ANPEP: variants seen among roughly 807,000 people sequenced by gnomAD.
ANPEP encodes the protein alanyl aminopeptidase, membrane.
ANPEP carries 70 observed loss-of-function variants against 114.6 expected under a neutral mutation model. The ratio of observed to expected loss-of-function variants is 0.61; its 90% confidence interval spans 0.50 to 0.75. The LOEUF (loss-of-function observed/expected upper bound fraction) is 0.75, where lower values mean the gene tolerates loss of function less well. Among genes scored for constraint, ANPEP ranks in the 30% least tolerant of loss-of-function variants. ANPEP has a pLI of 0.00. For missense variants in ANPEP, 1,184 were observed against 1,259.5 expected, an observed-to-expected ratio of 0.94 and a Z score of 0.91; for synonymous variants, 548 against 522.3, an observed-to-expected ratio of 1.05 and a Z score of -0.67.
intron 1 of ANPEP, among the ~76,000 whole-genome samples, chr15:89,814,386 C>A (rs1354177952): frequency 6.6e-6 from 1 of 152,098 alleles, no homozygotes; most frequent in East Asian, 1.9e-4. Flanking sequence ...CGCGCCCCAC[C>A]CACCAGGGAC....
At chr15:89,801,702 G>A (rs1894595496) in intron 10 of ANPEP, 95 bp from the exon 11 acceptor site, 1 of 1,443,290 alleles carries the variant, frequency 6.9e-7, no homozygotes, top group Non-Finnish European at 9.4e-7. Flanking sequence ...GACCCCGGGG[G>A]GCCACTTGTA....
At chr15:89,808,588 T>C (rs1228713949) in intron 1 of ANPEP, among the ~76,000 whole-genome samples, 3 of 152,214 alleles carry the variant, frequency 2.0e-5, no homozygotes, top group Non-Finnish European at 4.4e-5. Flanking sequence ...CTGGCCTCTG[T>C]CTCCCAGCTT....
At chr15:89,802,344 G>A (rs1596167341) in intron 10 of ANPEP, 1 of 152,138 alleles carries the variant, frequency 6.6e-6, no homozygotes, top group Non-Finnish European at 1.5e-5. Context: ...CAATGACAGT[G>A]TCATTTTGTC....
Position 89,799,540 on chromosome 15 carries a change from G to A in ANPEP, c.1839C>T (p.Ser613=), listed in dbSNP as rs1143654. 810 of 1,614,224 alleles carry A rather than the reference G, an allele frequency of 5.0e-4. 11 individuals carry two copies. Among genetic ancestry groups the A allele is most frequent in the South Asian group, 3.9e-3 (354 of 91,086 alleles). ...GCAGGACCCACTCATTGCCTGATGT[G>A]CTGAAGAGATCGTTCTGGGCTGTGG... ...IDVRAQNDLF[S]TSGNEWVLLN... is the part of the protein sequence containing the mutation. Residue 613 remains serine, a synonymous_variant, in exon 13 of 21, where the codon AGC becomes AGT. Transcript: ENST00000300060. This position sits in a 1 kb window ranked among gnomAD's most constrained non-coding sequence, Gnocchi z 4.2.
chr15:89,786,340 G>T (rs1032530929), intron 20 of ANPEP, among the ~76,000 whole-genome samples: 1 of 148,428 alleles, frequency 6.7e-6, no homozygotes, highest in Admixed American at 6.7e-5. Flanking sequence ...GATGGCAATA[G>T]TCCCCATATT....
chr15:89,792,989 C>T (rs1567155557), intron 16 of ANPEP, 46 bp downstream of exon 16: 4 of 1,521,610 alleles, frequency 2.6e-6, no homozygotes, highest in South Asian at 1.1e-5. Flanking sequence ...GCTCTTGACT[C>T]CCCGGGGTGC....
At chr15:89,793,223 G>A (rs1001237693) in intron 15 of ANPEP, 97 bp from the exon 16 acceptor site, 2 of 1,065,236 alleles carry the variant, frequency 1.9e-6, no homozygotes, top group African/African-American at 1.6e-5. Flanking sequence ...CGCTGGCAGA[G>A]ACGTCAGAGG....
At chr15:89,802,548 G>C (rs961179475) in intron 10 of ANPEP, 8 of 152,852 alleles carry the variant, frequency 5.2e-5, no homozygotes, top group African/African-American at 1.9e-4. Flanking sequence ...TCGGTGAGGA[G>C]AGGACATGTC....
rs368375738 is a variant in ANPEP at position 89,798,084 on chromosome 15, C to T, written c.2010-362G>A. ...CTGAGATTTAAAAGGGCAAGAAGCC[C>T]GTGTTCTTAACTCTGACCACCTCTT... On this transcript the variant is annotated intron_variant, in intron 14 of 20. Coordinates refer to ENST00000300060, the MANE Select transcript of ANPEP (RefSeq NM_001150.3). 1.1e-4 allele frequency among the ~76,000 whole-genome samples: 16 copies of T among 152,334 alleles called. No individual in the cohort carries two copies. In the South Asian group the frequency reaches 2.1e-3, roughly 20 times the overall value.
chr15:89,804,542 G>A lies in ANPEP; in HGVS notation c.973C>T (p.Leu325Phe). The A allele has an allele frequency of 6.2e-7, 1 of 1,614,230 alleles. No homozygotes were observed. Residue 325 changes from leucine to phenylalanine, a missense_variant, in exon 5 of 21, where the codon CTT becomes TTT. Coordinates refer to ENST00000300060, the MANE Select transcript of ANPEP (RefSeq NM_001150.3). ...TCATAATGACCAGCAAAGAAGTTAA[G>A]GATGGGGCCCGTCACGTTCAGGGCA... Reference protein sequence around the residue: ...DYALNVTGPILNFFAGHYDTP... With the variant: ...DYALNVTGPIFNFFAGHYDTP...
chr15:89,788,560 G>A (rs1968547273), intron 20 of ANPEP, among the ~76,000 whole-genome samples: 1 of 152,212 alleles, frequency 6.6e-6, no homozygotes, highest in African/African-American at 2.4e-5. Flanking sequence ...AGTAGTGATG[G>A]TTGTACCACA....
chr15:89,798,971 A>C (rs370719220), intron 14 of ANPEP, among the ~76,000 whole-genome samples: 2 of 143,982 alleles, frequency 1.4e-5, no homozygotes, highest in Non-Finnish European at 3.1e-5. Context: ...AACAAACAAA[A>C]ACAAAAACAA....
intron 20 of ANPEP, among the ~76,000 whole-genome samples, chr15:89,786,145 C>T (rs1968502579): frequency 6.6e-6 from 1 of 152,126 alleles, no homozygotes; most frequent in Non-Finnish European, 1.5e-5. Context: ...ATTAAGAAAA[C>T]AATTCCATTT....
chr15:89,813,934 C>G (rs1192863652), intron 1 of ANPEP, among the ~76,000 whole-genome samples: 1 of 150,650 alleles, frequency 6.6e-6, no homozygotes, highest in East Asian at 1.9e-4. Context: ...GAGTGGGGAT[C>G]CAGTCACAAA....
At chr15:89,800,630 T>C (rs144817619) in intron 12 of ANPEP, among the ~76,000 whole-genome samples, 4 of 151,106 alleles carry the variant, frequency 2.6e-5, no homozygotes, top group African/African-American at 4.9e-5. Flanking sequence ...GGTGCGATCT[T>C]GGCTCACTGC....
intron 20 of ANPEP, 59 bp downstream of exon 20, chr15:89,790,401 T>G: frequency 6.7e-7 from 1 of 1,501,210 alleles, no homozygotes; most frequent in Non-Finnish European, 9.3e-7. Flanking sequence ...AAGAATGGAG[T>G]GCCCCTTTGG....
chr15:89,804,194 C>G, intron 6 of ANPEP, 59 bp downstream of exon 6: 2 of 1,603,376 alleles, frequency 1.2e-6, no homozygotes, highest in Non-Finnish European at 1.7e-6. Context: ...CCTGGACTTG[C>G]GCCGTCTCCT....
intron 18 of ANPEP, 28 bp downstream of exon 18, chr15:89,792,132 C>T (rs374258535): frequency 6.9e-6 from 11 of 1,598,642 alleles, no homozygotes; most frequent in Admixed American, 5.1e-5. Context: ...AGAGGGCTCT[C>T]GCAGTCCCAC....
intron 2 of ANPEP, 136 bp from the exon 3 acceptor site, chr15:89,805,599 C>G (rs143438613): frequency 1.5e-6 from 2 of 1,301,330 alleles, no homozygotes; most frequent in Non-Finnish European, 2.1e-6. Flanking sequence ...CTCCCACCCC[C>G]GCCTCGCCGG....
Sources: gnomAD v4.1 joint callset for allele counts (sites outside exome capture counted in the v4.1 genomes callset) on GRCh38, gnomAD v4.1.1 for gene constraint, Gnocchi (gnomAD v3.1) non-coding constraint, MANE v1.5 for transcripts, NCBI Gene and HGNC (gene_info 2026-07-23, HGNC 2026-07-21) for gene names.